BABAM2: variants seen among roughly 807,000 people sequenced by gnomAD.
The protein encoded by BABAM2 is BRISC and BRCA1-A complex member 2.
Under a neutral mutation model 54.7 loss-of-function variants are expected in BABAM2, and 31 were observed. The observed-to-expected ratio is 0.57, with a 90% confidence interval of 0.43 to 0.77. The LOEUF (loss-of-function observed/expected upper bound fraction) is 0.77. BABAM2 is among the 30% of genes least tolerant of loss of function. The pLI, the probability that BABAM2 is intolerant of heterozygous loss-of-function variation, is 0.00. For synonymous variants in BABAM2, 167 were observed against 162.9 expected, an observed-to-expected ratio of 1.03 and a Z score of -0.19; for missense variants, 364 against 455.8, an observed-to-expected ratio of 0.80 and a Z score of 1.83.
At chr2:28,306,949 GC>G (rs1240665116) in intron 11 of BABAM2, among the ~76,000 whole-genome samples, 4 of 139,584 alleles carry the variant, frequency 2.9e-5, no homozygotes, top group Admixed American at 2.3e-4. Context: ...ACCTGCCTTG[GC>G]CCCCCAAAGT....
rs542587794 is a variant in BABAM2, at chr2:28,292,316, A to G, written c.935-6022A>G. On this transcript the variant is annotated intron_variant, in intron 10 of 11. Transcript: ENST00000379624. The stretch of plus-strand genomic sequence containing the variant: ...GGATCGAACTGTCCCGCAAAACTGA[A>G]CTTTCCAGACAACTAAAATTTTCCT... Among the ~76,000 whole-genome samples, 5 of 152,308 alleles carry G rather than the reference A, an allele frequency of 3.3e-5. No individual in the cohort carries two copies. The South Asian group carries it at 6.2e-4, about 19-fold the overall frequency.
At chr2:28,228,718 C>CCCAGTCATCTACT (rs1415289762) in intron 7 of BABAM2, among the ~76,000 whole-genome samples, 44 of 152,218 alleles carry the variant, frequency 2.9e-4, no homozygotes, top group Non-Finnish European at 4.4e-5. Context: ...GGCATCATTA[C>CCCAGTCATCTACT]AAGTAGTTCA....
At chr2:28,026,884 A>C (rs1182692344) in intron 5 of BABAM2, among the ~76,000 whole-genome samples, 29 of 50,950 alleles carry the variant, frequency 5.7e-4, no homozygotes, top group South Asian at 6.3e-4. Context: ...TTATATATAT[A>C]TAGATATATA....
chr2:28,236,174 T>C (rs762457799), intron 7 of BABAM2, among the ~76,000 whole-genome samples: 4 of 152,084 alleles, frequency 2.6e-5, no homozygotes. Flanking sequence ...TATAGAAGTA[T>C]ATGCATTAAA....
chr2:28,292,825 T>C (rs1316716893), intron 10 of BABAM2, among the ~76,000 whole-genome samples: 1 of 152,156 alleles, frequency 6.6e-6, no homozygotes, highest in East Asian at 1.9e-4. Flanking sequence ...GAAGGCTGAG[T>C]GATATCCAGC....
At chr2:27,994,519 T>C (rs1275205751) in intron 4 of BABAM2, among the ~76,000 whole-genome samples, 1 of 152,216 alleles carries the variant, frequency 6.6e-6, no homozygotes, top group Non-Finnish European at 1.5e-5. Context: ...TGACTTATGA[T>C]GTCATCATTA....
At chr2:28,208,072 T>C (rs927290957) in intron 7 of BABAM2, among the ~76,000 whole-genome samples, 25 of 149,224 alleles carry the variant, frequency 1.7e-4, no homozygotes, top group South Asian at 6.4e-4. Context: ...TGTGTACACA[T>C]GCGCACACAC....
intron 10 of BABAM2, among the ~76,000 whole-genome samples, chr2:28,281,621 G>A (rs542758125): frequency 6.6e-6 from 1 of 152,296 alleles, no homozygotes; most frequent in South Asian, 2.1e-4. Context: ...TGGGGAGCAG[G>A]TTGTAACTTT....
intron 7 of BABAM2, among the ~76,000 whole-genome samples, chr2:28,201,170 G>T (rs185103401): frequency 5.9e-5 from 9 of 152,242 alleles, no homozygotes; most frequent in African/African-American, 1.7e-4. Flanking sequence ...GTACATTATT[G>T]TGTGGTATTA....
chr2:28,059,902 G>A (rs1678724600), intron 6 of BABAM2, among the ~76,000 whole-genome samples: 1 of 152,182 alleles, frequency 6.6e-6, no homozygotes, highest in African/African-American at 2.4e-5. Flanking sequence ...AGGCACAGAT[G>A]ACCTCCCTGG....
chr2:27,908,493 G>A (rs896640862), intron 2 of BABAM2, among the ~76,000 whole-genome samples: 4 of 151,904 alleles, frequency 2.6e-5, no homozygotes, highest in Non-Finnish European at 5.9e-5. Context: ...GGCTGGTCTC[G>A]AACTCTTGGA....
Position 28,310,202 on chromosome 2 carries a change from AATG to A in BABAM2, c.1088+11714_1088+11716del, listed in dbSNP as rs1178057523. On this transcript the variant is annotated intron_variant, in intron 11 of 11. Coordinates refer to ENST00000379624, the MANE Select transcript of BABAM2 (RefSeq NM_199191.3). Reference sequence around the variant, plus strand: ...TAGAACCTGACATCTGTTGCAGTGAAATGATAAGCTCCATTGAAAAGCCTGGCC... The same window carrying A: ...TAGAACCTGACATCTGTTGCAGTGAAATAAGCTCCATTGAAAAGCCTGGCC... 11 of 1,576,440 alleles carry A rather than the reference AATG, an allele frequency of 7.0e-6. No homozygotes were observed. In the African/African-American group the frequency reaches 1.3e-4, roughly 19 times the overall value.
intron 11 of BABAM2, among the ~76,000 whole-genome samples, chr2:28,299,177 T>C (rs1364857968): frequency 1.3e-5 from 2 of 152,228 alleles, no homozygotes; most frequent in Non-Finnish European, 2.9e-5. Flanking sequence ...CACAAATAGC[T>C]TAGGGCTATT....
intron 10 of BABAM2, 108 bp downstream of exon 10, chr2:28,244,970 C>T: frequency 1.2e-6 from 1 of 869,052 alleles, no homozygotes; most frequent in Non-Finnish European, 1.8e-6. Flanking sequence ...GTTCCTTTTA[C>T]TGTAGCGTAT....
chr2:28,157,091 A>G (rs1026203054), intron 7 of BABAM2, among the ~76,000 whole-genome samples: 2 of 152,248 alleles, frequency 1.3e-5, no homozygotes, highest in African/African-American at 4.8e-5. Context: ...CCTTATGAAA[A>G]TAATTTCCCA....
intron 3 of BABAM2, among the ~76,000 whole-genome samples, chr2:27,970,650 T>G (rs1468264404): frequency 1.3e-5 from 2 of 152,194 alleles, no homozygotes; most frequent in Non-Finnish European, 2.9e-5. Flanking sequence ...ATGGTTACAG[T>G]AGCATCTTAT....
chr2:28,077,692 CTAA>C (rs1664808924), intron 6 of BABAM2, among the ~76,000 whole-genome samples: 1 of 152,000 alleles, frequency 6.6e-6, no homozygotes, highest in Admixed American at 6.6e-5. Context: ...TCTTTATTTC[CTAA>C]CCTCCCTCTC....
At chr2:27,933,450 A>AT (rs1270406448) in intron 3 of BABAM2, among the ~76,000 whole-genome samples, 9 of 151,864 alleles carry the variant, frequency 5.9e-5, no homozygotes, top group African/African-American at 2.2e-4. Context: ...TAGAAAGATG[A>AT]GTTTTTTTTT....
chr2:28,205,352 A>T (rs1464618449), intron 7 of BABAM2, among the ~76,000 whole-genome samples: 1 of 151,970 alleles, frequency 6.6e-6, no homozygotes, highest in Non-Finnish European at 1.5e-5. Context: ...ATACAAAAAA[A>T]ATTAGCTGGG....
Sources: gnomAD v4.1 joint callset for allele counts (sites outside exome capture counted in the v4.1 genomes callset) on GRCh38, gnomAD v4.1.1 for gene constraint, MANE v1.5 for transcripts, NCBI Gene and HGNC (gene_info 2026-07-23, HGNC 2026-07-21) for gene names.